Variants in RSRC1 observed in about 807,000 individuals in gnomAD.
RSRC1 encodes the protein arginine and serine rich coiled-coil 1, also known as serine/Arginine-related protein 53.
In RSRC1, 39 loss-of-function variants were observed where a neutral mutation model predicts 49.1. The ratio of observed to expected loss-of-function variants is 0.79; its 90% confidence interval spans 0.61 to 1.04. The LOEUF is 1.04. RSRC1 is among the 50% of genes least tolerant of loss of function. The pLI, the probability that RSRC1 is intolerant of heterozygous loss-of-function variation, is 0.00. For missense variants in RSRC1, 388 were observed against 402.4 expected, an observed-to-expected ratio of 0.96 and a Z score of 0.31; for synonymous variants, 143 against 130.8, an observed-to-expected ratio of 1.09 and a Z score of -0.63.
chr3:158,219,723 A>G (rs543714338), intron 4 of RSRC1, among the ~76,000 whole-genome samples: 1 of 151,682 alleles, frequency 6.6e-6, no homozygotes, highest in East Asian at 1.9e-4. Context: ...ATGGTAAGTA[A>G]TGTGCGGGAG....
intron 7 of RSRC1, among the ~76,000 whole-genome samples, chr3:158,463,482 G>A (rs1053817357): frequency 6.6e-6 from 1 of 152,010 alleles, no homozygotes; most frequent in African/African-American, 2.4e-5. Context: ...TTTATTTTCA[G>A]TCTGTAAGCC....
At chr3:158,184,086 A>G (rs1719787966) in intron 3 of RSRC1, among the ~76,000 whole-genome samples, 1 of 152,132 alleles carries the variant, frequency 6.6e-6, no homozygotes, top group South Asian at 2.1e-4. Context: ...TGTTTATTAA[A>G]TCATGCTGGA....
chr3:158,274,971 C>G (rs943632778), intron 4 of RSRC1, among the ~76,000 whole-genome samples: 5 of 152,086 alleles, frequency 3.3e-5, no homozygotes, highest in Non-Finnish European at 5.9e-5. Flanking sequence ...TCCCCACCCC[C>G]CAGCAATGTG....
chr3:158,462,045 A>T (rs148584520), intron 7 of RSRC1, among the ~76,000 whole-genome samples: 47 of 151,650 alleles, frequency 3.1e-4, no homozygotes, highest in African/African-American at 1.1e-3. Flanking sequence ...CCCTACAAAT[A>T]AGTAGATTCA....
At chr3:158,300,248 T>C (rs191977831) in intron 5 of RSRC1, among the ~76,000 whole-genome samples, 10 of 152,264 alleles carry the variant, frequency 6.6e-5, no homozygotes, top group Non-Finnish European at 1.5e-4. Flanking sequence ...AGCAGATGAT[T>C]TGAATGCATT....
chr3:158,419,892 G>A (rs1578452368), intron 6 of RSRC1, among the ~76,000 whole-genome samples: 1 of 150,820 alleles, frequency 6.6e-6, no homozygotes, highest in African/African-American at 2.4e-5. Context: ...CAGTCTTACT[G>A]TAACTTTTCC....
At chr3:158,348,078 A>G (rs1342817097) in intron 5 of RSRC1, among the ~76,000 whole-genome samples, 1 of 152,126 alleles carries the variant, frequency 6.6e-6, no homozygotes, top group Non-Finnish European at 1.5e-5. Context: ...ATTTTTTGAA[A>G]CATTGCACAT....
At chr3:158,328,956 A>C (rs1729369131) in intron 5 of RSRC1, among the ~76,000 whole-genome samples, 1 of 151,998 alleles carries the variant, frequency 6.6e-6, no homozygotes, top group East Asian at 1.9e-4. Context: ...TTTTTTCTCT[A>C]AGCTTCTCTT....
At chr3:158,213,204 G>C (rs1721777523) in intron 4 of RSRC1, among the ~76,000 whole-genome samples, 1 of 151,858 alleles carries the variant, frequency 6.6e-6, no homozygotes, top group South Asian at 2.1e-4. Context: ...TAATATCCTA[G>C]TATAAAATGA....
intron 6 of RSRC1, among the ~76,000 whole-genome samples, chr3:158,443,570 A>G (rs1736502809): frequency 6.6e-6 from 1 of 152,170 alleles, no homozygotes; most frequent in Non-Finnish European, 1.5e-5. Context: ...GCTTAATGGT[A>G]TGGCTGGTTT....
chr3:158,113,077 C>T (rs1425468091), intron 1 of RSRC1, among the ~76,000 whole-genome samples: 3 of 152,060 alleles, frequency 2.0e-5, no homozygotes, highest in African/African-American at 7.2e-5. Flanking sequence ...TGTGTCTTTG[C>T]TATTGTGAAT....
chr3:158,333,199 A>C (rs1729660793), intron 5 of RSRC1, among the ~76,000 whole-genome samples: 1 of 151,954 alleles, frequency 6.6e-6, no homozygotes, highest in African/African-American at 2.4e-5. Flanking sequence ...CGATTTCCTG[A>C]CCTCATGATC....
chr3:158,188,480 C>T (rs1720050382), intron 3 of RSRC1, among the ~76,000 whole-genome samples: 1 of 151,962 alleles, frequency 6.6e-6, no homozygotes, highest in Non-Finnish European at 1.5e-5. Flanking sequence ...TGTTTACATT[C>T]CCTCTTCCTG....
intron 4 of RSRC1, among the ~76,000 whole-genome samples, chr3:158,295,271 A>G (rs1003921575): frequency 6.6e-6 from 1 of 151,934 alleles, no homozygotes; most frequent in Non-Finnish European, 1.5e-5. Flanking sequence ...GGTAGGGGTG[A>G]AAGTGGTTCA....
intron 3 of RSRC1, among the ~76,000 whole-genome samples, chr3:158,179,655 T>G (rs1410933518): frequency 6.6e-6 from 1 of 152,204 alleles, no homozygotes; most frequent in Non-Finnish European, 1.5e-5. Context: ...ATTGAAAGTT[T>G]TTTTTCAGTT....
At chr3:158,136,243 A>G (rs1194468202) in intron 3 of RSRC1, among the ~76,000 whole-genome samples, 2 of 152,206 alleles carry the variant, frequency 1.3e-5, no homozygotes, top group Non-Finnish European at 2.9e-5. Context: ...TTACATGAAA[A>G]TAAGTTTCAT....
At chr3:158,134,584 C>T (rs927308932) in intron 3 of RSRC1, among the ~76,000 whole-genome samples, 1 of 151,986 alleles carries the variant, frequency 6.6e-6, no homozygotes, top group African/African-American at 2.4e-5. Context: ...TCACAAAGAT[C>T]AAGGCTGTTA....
At chr3:158,116,612 T>C (rs1714840008) in intron 1 of RSRC1, among the ~76,000 whole-genome samples, 1 of 152,152 alleles carries the variant, frequency 6.6e-6, no homozygotes. Flanking sequence ...TGCCTTGATT[T>C]GTGCTAAGGT....
chr3:158,152,124 A>G (rs1331167424), intron 3 of RSRC1, among the ~76,000 whole-genome samples: 1 of 152,038 alleles, frequency 6.6e-6, no homozygotes, highest in Non-Finnish European at 1.5e-5. Flanking sequence ...AGACGAGTAT[A>G]AAGTAGGAGT....
Sources: gnomAD v4.1 joint callset for allele counts (sites outside exome capture counted in the v4.1 genomes callset) on GRCh38, gnomAD v4.1.1 for gene constraint, MANE v1.5 for transcripts, NCBI Gene and HGNC (gene_info 2026-07-23, HGNC 2026-07-21) for gene names.